The following MGAT4D variants were observed in gnomAD, a reference collection of about 807,000 sequenced individuals.
MGAT4D encodes the protein MGAT4 family member D, also known as alpha-1,3-mannosyl-glycoprotein 4-beta-N-acetylglucosaminyltransferase-like protein MGAT4D.
MGAT4D carries 34 observed loss-of-function variants against 15.9 expected under a neutral mutation model. That is an observed-to-expected ratio of 2.14 (90% CI 1.62 to 2.84). The LOEUF (loss-of-function observed/expected upper bound fraction) is 2.84, where lower values mean the gene tolerates loss of function less well. MGAT4D is among the 30% of genes most tolerant of loss of function. MGAT4D has a pLI of 0.00. For missense variants in MGAT4D, 327 were observed against 140.2 expected, an observed-to-expected ratio of 2.33 and a Z score of -6.73; for synonymous variants, 112 against 48.2, an observed-to-expected ratio of 2.33 and a Z score of -5.49.
chr4:140,481,430 A>G (rs6851507), intron 2 of MGAT4D, among the ~76,000 whole-genome samples: 1 of 152,072 alleles, frequency 6.6e-6, no homozygotes, highest in African/African-American at 2.4e-5. Context: ...ATATACTTAC[A>G]TATGCCCTGT....
intron 5 of MGAT4D, among the ~76,000 whole-genome samples, chr4:140,466,020 G>T (rs946775256): frequency 2.0e-5 from 3 of 152,146 alleles, no homozygotes; most frequent in African/African-American, 7.2e-5. Flanking sequence ...TTTGGTGACT[G>T]GTCACTGTAC....
At position 140,475,660 on chromosome 4, in the gene MGAT4D, CAAA is replaced by C. The variant is rs1162390812; in HGVS notation, c.392-717_392-715del. 6.8e-4 allele frequency among the ~76,000 whole-genome samples: 36 copies of C among 52,868 alleles called. 1 individual carries two copies. In the East Asian group the frequency reaches 0.013, roughly 19 times the overall value. The allele number at this position is 52,868 out of a possible 152,430, so 34.7% of individuals were successfully genotyped here. On this transcript the variant is annotated intron_variant, in intron 3 of 10. Coordinates refer to ENST00000511113, the MANE Select transcript of MGAT4D (RefSeq NM_001277353.2). Reference sequence around the variant, plus strand: ...TTTCTAGAAAGCGGTAATAAAACTGCAAAAAAAAAAAAAAAAAAAGGTCAAAAC... The same window carrying C: ...TTTCTAGAAAGCGGTAATAAAACTGCAAAAAAAAAAAAAAAAGGTCAAAAC...
chr4:140,472,153 T>A (rs1010629916), intron 4 of MGAT4D, among the ~76,000 whole-genome samples: 5 of 152,270 alleles, frequency 3.3e-5, no homozygotes, highest in African/African-American at 1.2e-4. Context: ...AAAATGGTCA[T>A]CTGTGAATGG....
intron 9 of MGAT4D, among the ~76,000 whole-genome samples, chr4:140,453,473 A>T (rs1280680450): frequency 6.6e-6 from 1 of 151,934 alleles, no homozygotes; most frequent in Non-Finnish European, 1.5e-5. Context: ...ATGTATACAC[A>T]TATAGATATA....
At chr4:140,494,642 T>C (rs1733719509) in intron 1 of MGAT4D, among the ~76,000 whole-genome samples, 1 of 152,166 alleles carries the variant, frequency 6.6e-6, no homozygotes, top group Non-Finnish European at 1.5e-5. Flanking sequence ...CCAAACCTGC[T>C]CCTACCCCAG....
intron 4 of MGAT4D, 84 bp downstream of exon 4, chr4:140,474,729 G>T: frequency 2.3e-6 from 1 of 444,202 alleles, no homozygotes; most frequent in Non-Finnish European, 4.0e-6. Flanking sequence ...TTTTCAACAT[G>T]GTACAATGAT....
chr4:140,462,418 G>A (rs1731251212), intron 6 of MGAT4D: 1 of 155,978 alleles, frequency 6.4e-6, no homozygotes, highest in African/African-American at 2.4e-5. Flanking sequence ...CCAATTCTTA[G>A]GGTTAACTAT....
intron 1 of MGAT4D, among the ~76,000 whole-genome samples, chr4:140,496,293 A>C (rs192965416): frequency 3.1e-4 from 47 of 152,316 alleles, no homozygotes; most frequent in African/African-American, 1.1e-3. Flanking sequence ...GTTCCACAGA[A>C]AGGCATACCT....
intron 1 of MGAT4D, 139 bp from the exon 2 acceptor site, chr4:140,482,624 A>G (rs1732822124): frequency 7.9e-6 from 3 of 377,538 alleles, no homozygotes; most frequent in Non-Finnish European, 1.4e-5. Context: ...GTATATATAC[A>G]GTACTATATA....
chr4:140,469,737 C>A (rs898165987), intron 5 of MGAT4D, among the ~76,000 whole-genome samples: 9 of 152,140 alleles, frequency 5.9e-5, no homozygotes, highest in African/African-American at 2.2e-4. Context: ...GGCTTGATTG[C>A]ATTCAGGGTT....
chr4:140,457,797 A>G (rs936109772), intron 8 of MGAT4D: 1 of 152,226 alleles, frequency 6.6e-6, no homozygotes, highest in African/African-American at 2.4e-5. Context: ...AGACTAATCC[A>G]TCAGCAAGAT....
At chr4:140,444,461 A>G (rs1001626691) in intron 10 of MGAT4D, among the ~76,000 whole-genome samples, 52 of 152,294 alleles carry the variant, frequency 3.4e-4, no homozygotes, top group African/African-American at 1.2e-3. Flanking sequence ...TATAGGTGAG[A>G]ACATGCAGTG....
At chr4:140,478,368 T>C (rs951376381) in intron 3 of MGAT4D, among the ~76,000 whole-genome samples, 1 of 152,186 alleles carries the variant, frequency 6.6e-6, no homozygotes, top group Non-Finnish European at 1.5e-5. Context: ...TCTTGGTGTC[T>C]AATATCTTAT....
intron 4 of MGAT4D, among the ~76,000 whole-genome samples, chr4:140,472,309 T>G (rs1732017803): frequency 6.6e-6 from 1 of 152,196 alleles, no homozygotes; most frequent in Non-Finnish European, 1.5e-5. Flanking sequence ...CAATAAACTT[T>G]GTGGACCTGC....
At chr4:140,480,865 G>A (rs1732670616) in intron 2 of MGAT4D, among the ~76,000 whole-genome samples, 1 of 152,126 alleles carries the variant, frequency 6.6e-6, no homozygotes, top group Non-Finnish European at 1.5e-5. Context: ...GAGCTCAGGA[G>A]GTGGAGGCTG....
At chr4:140,464,744 G>T (rs1191150820) in intron 6 of MGAT4D, among the ~76,000 whole-genome samples, 152 bp downstream of exon 6, 3 of 152,162 alleles carry the variant, frequency 2.0e-5, no homozygotes, top group Non-Finnish European at 4.4e-5. Context: ...ATACAGAGTT[G>T]GGAAGTGATG....
At chr4:140,450,300 G>A (rs1010160791) in intron 10 of MGAT4D, among the ~76,000 whole-genome samples, 8 of 152,094 alleles carry the variant, frequency 5.3e-5, no homozygotes, top group Admixed American at 2.0e-4. Context: ...CAAAGGTGAG[G>A]TTAAAATATC....
chr4:140,477,503 A>G (rs1434277961), intron 3 of MGAT4D, among the ~76,000 whole-genome samples: 1 of 152,236 alleles, frequency 6.6e-6, no homozygotes, highest in Non-Finnish European at 1.5e-5. Context: ...GAGTCACATT[A>G]CAAATCAGTT....
At chr4:140,474,052 C>T (rs1732155645) in intron 4 of MGAT4D, among the ~76,000 whole-genome samples, 1 of 152,048 alleles carries the variant, frequency 6.6e-6, no homozygotes, top group African/African-American at 2.4e-5. Flanking sequence ...GGATAAGTTC[C>T]CAGAATTTGA....
Sources: allele counts gnomAD v4.1 joint callset (sites outside exome capture counted in the v4.1 genomes callset), GRCh38; gene constraint gnomAD v4.1.1; transcripts MANE v1.5; gene names NCBI Gene and HGNC (gene_info 2026-07-23, HGNC 2026-07-21).